Variants in COL9A2 observed in about 807,000 individuals in gnomAD.
COL9A2 encodes the protein collagen type IX alpha 2 chain.
Under a neutral mutation model 111.6 loss-of-function variants are expected in COL9A2, and 66 were observed. The observed-to-expected ratio is 0.59, with a 90% CI of 0.48 to 0.73. COL9A2 has a LOEUF of 0.73. Among genes scored for constraint, COL9A2 ranks in the 30% least tolerant of loss-of-function variants. COL9A2 has a pLI of 0.00. For synonymous variants in COL9A2, 353 were observed against 364.1 expected (o/e 0.97, Z 0.35); for missense variants, 881 against 954.1 (o/e 0.92, Z 1.01).
Position 40,311,465 on chromosome 1 carries a change from CCT to C in COL9A2, c.519+33_519+34del, listed in dbSNP as rs754697941. ...CTCCCCATCTCTGTGGCCCCGCCCC[CCT>C]GTGTTAGCCCCGCCCCAGACCTCGT... On this transcript the variant is annotated intron_variant, in intron 10 of 31. Transcript: ENST00000372748. The surrounding 1 kb of genome is among the most constrained non-coding windows in gnomAD (Gnocchi z 5.1). The C allele has an allele frequency of 5.4e-5, 86 of 1,601,366 alleles. No homozygotes were observed. Among genetic ancestry groups the C allele is most frequent in the Non-Finnish European group, 7.3e-5 (85 of 1,169,056 alleles).
rs1644205416 is a variant in COL9A2 at position 40,315,539 on chromosome 1, C to T, written c.150+51G>A. On this transcript the variant is annotated intron_variant, in intron 2 of 31. Transcript: ENST00000372748. Reference sequence around the variant, plus strand: ...CCCCCACCACAGCGCTCACAAAGTTCTCCTTTGTCTGCCGCCTCCCTCCCG... The same window carrying T: ...CCCCCACCACAGCGCTCACAAAGTTTTCCTTTGTCTGCCGCCTCCCTCCCG... 2.8e-6 allele frequency: 4 copies of T among 1,440,958 alleles called. No individual in the cohort carries two copies. In the East Asian group the frequency reaches 7.5e-5, roughly 27 times the overall value. The allele number at this position is 1,440,958 out of a possible 1,614,324, so 89.3% of individuals were successfully genotyped here.
In COL9A2 at chr1:40,310,971, C is replaced by T. The variant is rs1477304890; in HGVS notation, c.630+122G>A. 23 of 1,373,264 alleles carry T rather than the reference C, an allele frequency of 1.7e-5. No individual in the cohort carries two copies. Among genetic ancestry groups the T allele is most frequent in the South Asian group, 1.4e-4 (12 of 84,824 alleles). 85.1% of individuals were successfully genotyped at this position (1,373,264 alleles called of 1,614,324 possible). On this transcript the variant is annotated intron_variant, in intron 12 of 31. Coordinates refer to ENST00000372748, the MANE Select transcript of COL9A2 (RefSeq NM_001852.4). The surrounding 1 kb of genome is among the most constrained non-coding windows in gnomAD (Gnocchi z 4.9). ...CGACCTGGAGCACAGGCCTCCAGCC[C>T]CCGGCTCAAGGCTCTGTCCCCAGAA...
chr1:40,310,297 G>A lies in COL9A2; in HGVS notation c.705C>T (p.Gly235=), dbSNP rs529508967. The part of the protein sequence containing the change: ...PGPPGPQGIR[G]YPGMAGPKGE... Reference sequence around the variant, plus strand: ...CCTTGGGCCCTGCCATGCCTGGGTAGCCCCTGATGCCCTGGGGACCCTGTT... The same window carrying A: ...CCTTGGGCCCTGCCATGCCTGGGTAACCCCTGATGCCCTGGGGACCCTGTT... The change falls in exon 14 of 32, where the codon GGC becomes GGT. Residue 235 remains glycine, a synonymous_variant. Coordinates refer to ENST00000372748, the MANE Select transcript of COL9A2 (RefSeq NM_001852.4). The surrounding 1 kb of genome is among the most constrained non-coding windows in gnomAD (Gnocchi z 4.9). The A allele has an allele frequency of 1.9e-6, 3 of 1,614,102 alleles. No homozygotes were observed. Among genetic ancestry groups the A allele is most frequent in the Non-Finnish European group, 2.5e-6 (3 of 1,180,014 alleles).
At chr1:40,304,963 TC>T in intron 21 of COL9A2, 116 bp from the exon 22 acceptor site, 1 of 798,674 alleles carries the variant, frequency 1.3e-6, no homozygotes, top group Non-Finnish European at 2.0e-6. Context: ...AGGGAAGGTT[TC>T]CCAGACCACC....
chr1:40,310,981 G>A lies in COL9A2; in HGVS notation c.630+112C>T. 1.4e-6 allele frequency: 2 copies of A among 1,442,636 alleles called. No homozygotes were observed. The highest frequency in any genetic ancestry group is 2.3e-5 in the South Asian group (2 of 86,944). 89.4% of individuals were successfully genotyped at this position (1,442,636 alleles called of 1,614,324 possible). A position where few individuals can be genotyped will look rare whatever the true frequency, so the allele number is the denominator to read the frequency against. On this transcript the variant is annotated intron_variant, in intron 12 of 31. Transcript: ENST00000372748. The surrounding 1 kb of genome is among the most constrained non-coding windows in gnomAD (Gnocchi z 4.9). ...CACAGGCCTCCAGCCCCCGGCTCAA[G>A]GCTCTGTCCCCAGAACCCACAGGGG...
chr1:40,311,690 G>C lies in COL9A2; in HGVS notation c.443C>G (p.Ser148Trp). The C allele has an allele frequency of 6.2e-7, 1 of 1,613,984 alleles. No homozygotes were observed. Among genetic ancestry groups the C allele is most frequent in the Non-Finnish European group, 8.5e-7 (1 of 1,179,970 alleles). The change falls in exon 9 of 32, where the codon TCG (serine) becomes TGG (tryptophan). Residue 148 changes from serine to tryptophan, a missense_variant. Physicochemically the swap from Ser to Trp is radical, Grantham distance 177. Coordinates refer to ENST00000372748, the MANE Select transcript of COL9A2 (RefSeq NM_001852.4). The surrounding 1 kb of genome is among the most constrained non-coding windows in gnomAD (Gnocchi z 5.1). ...TTTCCCAGGGGGTCCTGGGGGCCCCGATGGTCCATCTGGTCCAGGGTCCCC... is the reference window on the plus strand; with the variant it reads ...TTTCCCAGGGGGTCCTGGGGGCCCCCATGGTCCATCTGGTCCAGGGTCCCC... ...PKGDPGPDGP[S>W]GPPGPPGKPG...
At chr1:40,315,949 G>A in intron 1 of COL9A2, 1 of 352,632 alleles carries the variant, frequency 2.8e-6, no homozygotes, top group Admixed American at 4.5e-5. Flanking sequence ...AGTGGGCGGC[G>A]GCGCCAGGAG....
chr1:40,313,118 G>A (rs1644158292), intron 4 of COL9A2, among the ~76,000 whole-genome samples: 1 of 151,982 alleles, frequency 6.6e-6, no homozygotes, highest in African/African-American at 2.4e-5. Flanking sequence ...GTCCTACCTT[G>A]ACAACTTTTT....
chr1:40,310,300 C>G lies in COL9A2; in HGVS notation c.702G>C (p.Arg234Ser). The change falls in exon 14 of 32, where the codon AGG becomes AGC. Residue 234 changes from arginine (R) to serine (S), a missense_variant. Coordinates refer to ENST00000372748, the MANE Select transcript of COL9A2 (RefSeq NM_001852.4). This position sits in a 1 kb window ranked among gnomAD's most constrained non-coding sequence, Gnocchi z 4.9. Reference protein sequence around the residue: ...IPGPPGPQGIRGYPGMAGPKG... With the variant: ...IPGPPGPQGISGYPGMAGPKG... The stretch of plus-strand genomic sequence containing the variant: ...TGGGCCCTGCCATGCCTGGGTAGCC[C>G]CTGATGCCCTGGGGACCCTGTTGAG... 6.2e-7 allele frequency: 1 copy of G among 1,614,090 alleles called. No individual in the cohort carries two copies. The highest frequency in any genetic ancestry group is 8.5e-7 in the Non-Finnish European group (1 of 1,180,010).
rs754394090 is a variant in COL9A2, at chr1:40,317,239, A to G, written c.-42T>C. ...AAGGGGGACGGGTGCGTGTCCGCGC[A>G]CGCACCGACGGCAGAGTCTCCCGGC... is the stretch of plus-strand genomic sequence containing the variant. On this transcript the variant is annotated 5_prime_UTR_variant, in exon 1 of 32. Coordinates refer to ENST00000372748, the MANE Select transcript of COL9A2 (RefSeq NM_001852.4). The surrounding 1 kb of genome is among the most constrained non-coding windows in gnomAD (Gnocchi z 4.3). The G allele has an allele frequency of 1.5e-6, 2 of 1,335,804 alleles. No homozygotes were observed. The highest frequency in any genetic ancestry group is 2.5e-5 in the South Asian group (2 of 81,600). The allele number at this position is 1,335,804 out of a possible 1,614,324, so 82.7% of individuals were successfully genotyped here.
In COL9A2 at chr1:40,304,812, C is replaced by T. The variant is rs1173596156; in HGVS notation, c.1143G>A (p.Gln381=). 2 of 1,550,996 alleles carry T rather than the reference C, an allele frequency of 1.3e-6. No homozygotes were observed. Among genetic ancestry groups the T allele is most frequent in the Non-Finnish European group, 1.7e-6 (2 of 1,146,944 alleles). Residue 381 remains glutamine (Q), a synonymous_variant, in exon 22 of 32, where the codon CAG becomes CAA. Coordinates refer to ENST00000372748, the MANE Select transcript of COL9A2 (RefSeq NM_001852.4). ...CACTTACCTTCTGTCCCATGATGCC[C>T]TGGGGACCAATTTCTCCTCGAGGCC... is the stretch of plus-strand genomic sequence containing the variant. The part of the protein sequence containing the change: ...EPGPRGEIGP[Q]GIMGQKGDQG...
In COL9A2 at chr1:40,301,010, C is replaced by T. The variant is rs1181353844; in HGVS notation, c.*172G>A. ...CCTCACTTTTTCACCCATCAGTGCT[C>T]TACCTCCCCTTCCCCCATGTTTTAG... On this transcript the variant is annotated 3_prime_UTR_variant, in exon 32 of 32. Coordinates refer to ENST00000372748, the MANE Select transcript of COL9A2 (RefSeq NM_001852.4). The T allele has an allele frequency of 1.5e-6, 1 of 689,326 alleles. No homozygotes were observed. The highest frequency in any genetic ancestry group is 2.5e-6 in the Non-Finnish European group (1 of 403,910). The allele number at this position is 689,326 out of a possible 1,614,324, so 42.7% of individuals were successfully genotyped here.
At chr1:40,306,458 C>T (rs1644031575) in intron 19 of COL9A2, among the ~76,000 whole-genome samples, 1 of 152,180 alleles carries the variant, frequency 6.6e-6, no homozygotes, top group Non-Finnish European at 1.5e-5. Flanking sequence ...TGAGTGCACG[C>T]AGGAACACAA....
intron 24 of COL9A2, 93 bp from the exon 25 acceptor site, chr1:40,304,192 C>T (rs941675919): frequency 1.3e-6 from 2 of 1,514,916 alleles, no homozygotes; most frequent in Non-Finnish European, 1.8e-6. Context: ...TCCAACTCCG[C>T]CTCGCCGACC....
rs746580819 is a variant in COL9A2, at chr1:40,304,383, C to T, written c.1224G>A (p.Lys408=). The change falls in exon 24 of 32, where the codon AAG becomes AAA. Residue 408 remains lysine, a synonymous_variant. Coordinates refer to ENST00000372748, the MANE Select transcript of COL9A2 (RefSeq NM_001852.4). The part of the protein sequence containing the change: ...QPGPQGRQGP[K]GEQGPPGIPG... Reference sequence around the variant, plus strand: ...GAATTCCGGGGGGGCCCTGCTCCCCCTTAGGGCCCTGAGGAGAAAAGAAAC... The same window carrying T: ...GAATTCCGGGGGGGCCCTGCTCCCCTTTAGGGCCCTGAGGAGAAAAGAAAC... The T allele has an allele frequency of 1.9e-6, 3 of 1,596,678 alleles. No individual in the cohort carries two copies. Among genetic ancestry groups the T allele is most frequent in the African/African-American group, 1.3e-5 (1 of 74,788 alleles).
Position 40,313,421 on chromosome 1 carries a change from G to A in COL9A2, c.250-637C>T, listed in dbSNP as rs775567500. ...TGACCTCAAGTAATCTGCCCACCTC[G>A]GCCTCCCAAAGTGCTGGGATTACAG... On this transcript the variant is annotated intron_variant, in intron 4 of 31. Coordinates refer to ENST00000372748, the MANE Select transcript of COL9A2 (RefSeq NM_001852.4). Among the ~76,000 whole-genome samples the A allele has an allele frequency of 2.2e-4, 34 of 152,070 alleles. 1 individual carries two copies. Among genetic ancestry groups the A allele is most frequent in the Admixed American group, 9.8e-4 (15 of 15,268 alleles).
At chr1:40,313,668 T>C (rs1433708550) in intron 4 of COL9A2, among the ~76,000 whole-genome samples, 1 of 152,202 alleles carries the variant, frequency 6.6e-6, no homozygotes, top group Non-Finnish European at 1.5e-5. Flanking sequence ...GGGTTTCTCC[T>C]TTCTCCCATC....
chr1:40,315,005 G>A (rs958044362), intron 2 of COL9A2, among the ~76,000 whole-genome samples: 2 of 152,266 alleles, frequency 1.3e-5, no homozygotes, highest in Non-Finnish European at 1.5e-5. Flanking sequence ...GGGCCTGGCC[G>A]GGGGCCCAGC....
At chr1:40,309,848 C>G in intron 16 of COL9A2, 90 bp downstream of exon 16, 1 of 1,257,874 alleles carries the variant, frequency 7.9e-7, no homozygotes, top group East Asian at 2.3e-5. Context: ...CACACTCATG[C>G]ACTCTCACAC....
Sources: gnomAD v4.1 joint callset for allele counts (sites outside exome capture counted in the v4.1 genomes callset) on GRCh38, gnomAD v4.1.1 for gene constraint, Gnocchi (gnomAD v3.1) non-coding constraint, MANE v1.5 for transcripts, NCBI Gene and HGNC (gene_info 2026-07-23, HGNC 2026-07-21) for gene names.